Variants in PDK2 observed in about 807,000 individuals in gnomAD.
PDK2 encodes pyruvate dehydrogenase kinase 2.
Under a neutral mutation model 50.4 loss-of-function variants are expected in PDK2, and 34 were observed. The ratio of observed to expected loss-of-function variants is 0.68; its 90% CI spans 0.51 to 0.90. The LOEUF (loss-of-function observed/expected upper bound fraction) is 0.90, where lower values mean the gene tolerates loss of function less well. PDK2 is among the 40% of genes least tolerant of loss of function. The pLI is 0.00. For synonymous variants in PDK2, 232 were observed against 216.0 expected, an observed-to-expected ratio of 1.07 and a Z score of -0.65; for missense variants, 377 against 544.5, an observed-to-expected ratio of 0.69 and a Z score of 3.06.
rs1353635453 is a variant in PDK2, at chr17:50,108,181, C to G, written c.711C>G (p.His237Gln). Residue 237 changes from histidine to glutamine, a missense_variant, in exon 7 of 11, where the codon CAC becomes CAG. Physicochemically the swap from His to Gln is conservative, Grantham distance 24. Transcript: ENST00000503176. ...CAGCCAACTCCAAACAGCCGATTCA[C>G]ATGGTCTACGTCCCCTCCCACCTCT... is the stretch of plus-strand genomic sequence containing the variant. Reference protein sequence around the residue: ...INAANSKQPIHMVYVPSHLYH... With the variant: ...INAANSKQPIQMVYVPSHLYH... 6.3e-7 allele frequency: 1 copy of G among 1,597,198 alleles called. No individual in the cohort carries two copies. The highest frequency in any genetic ancestry group is 2.2e-5 in the East Asian group (1 of 44,622).
rs184632679 is a variant in PDK2, at chr17:50,103,682, T to C, written c.261-1689T>C. On this transcript the variant is annotated intron_variant, in intron 2 of 10. Coordinates refer to ENST00000503176, the MANE Select transcript of PDK2 (RefSeq NM_002611.5). ...CAGAGCTGGTTCTTTCACTCTCTTC[T>C]CTGTCAGGCAAGAGCGAGAAGAGCA... 1.2e-4 allele frequency among the ~76,000 whole-genome samples: 18 copies of C among 152,264 alleles called. No homozygotes were observed. In the East Asian group the frequency reaches 3.1e-3, roughly 26 times the overall value.
chr17:50,106,327 G>A (rs1910514953), intron 4 of PDK2: 5 of 862,830 alleles, frequency 5.8e-6, no homozygotes, highest in Non-Finnish European at 1.7e-6. Flanking sequence ...TTAAAAGAAT[G>A]TTTAATTTAG....
Position 50,108,369 on chromosome 17 carries a change from A to G in PDK2, c.813A>G (p.Pro271=). The G allele has an allele frequency of 6.2e-7, 1 of 1,614,028 alleles. No homozygotes were observed. The highest frequency in any genetic ancestry group is 2.2e-5 in the East Asian group (1 of 44,864). The change falls in exon 8 of 11, where the codon CCA becomes CCG. Residue 271 remains proline, a synonymous_variant. Coordinates refer to ENST00000503176, the MANE Select transcript of PDK2 (RefSeq NM_002611.5). The stretch of plus-strand genomic sequence containing the variant: ...GCCATGAGTCCAGCCTCATTCTCCC[A>G]CCCATCAAGGTCATGGTGGCCTTGG... ...VESHESSLIL[P]PIKVMVALGE... is the part of the protein sequence containing the mutation.
At chr17:50,096,061 T>C (rs1478154236) in intron 1 of PDK2, 27 of 947,502 alleles carry the variant, frequency 2.8e-5, no homozygotes, top group South Asian at 9.6e-5. Flanking sequence ...CCAGGGGCAG[T>C]TGGGGAAGGG....
chr17:50,110,866 C>A lies in PDK2; in HGVS notation c.*769C>A. 6.6e-6 allele frequency: 1 copy of A among 152,592 alleles called. No individual in the cohort carries two copies. The allele number at this position is 152,592 out of a possible 1,614,324, so 9.5% of individuals were successfully genotyped here. Reference sequence around the variant, plus strand: ...TCCTGCCTGAGCTCCAGCCCCCAGCCCCCACTGTGCCCAGACATGTGTGCT... The same window carrying A: ...TCCTGCCTGAGCTCCAGCCCCCAGCACCCACTGTGCCCAGACATGTGTGCT... On this transcript the variant is annotated 3_prime_UTR_variant, in exon 11 of 11. Transcript: ENST00000503176.
At chr17:50,099,508 C>T (rs149802635) in intron 2 of PDK2, among the ~76,000 whole-genome samples, 5 of 152,370 alleles carry the variant, frequency 3.3e-5, no homozygotes, top group Admixed American at 6.5e-5. Context: ...AAGGATTCAG[C>T]TTAGGCCGGG....
At chr17:50,098,460 T>C (rs1203378951) in intron 2 of PDK2, 2 of 152,248 alleles carry the variant, frequency 1.3e-5, no homozygotes, top group Admixed American at 6.5e-5. Flanking sequence ...AGCATAGTGC[T>C]AGGAGCAGGG....
intron 2 of PDK2, among the ~76,000 whole-genome samples, chr17:50,100,049 A>G (rs966062151): frequency 6.6e-6 from 1 of 152,190 alleles, no homozygotes; most frequent in African/African-American, 2.4e-5. Context: ...GGCAGGTTCT[A>G]GGTGCCTGAG....
At chr17:50,100,396 C>T (rs1910164564) in intron 2 of PDK2, among the ~76,000 whole-genome samples, 1 of 152,242 alleles carries the variant, frequency 6.6e-6, no homozygotes, top group Non-Finnish European at 1.5e-5. Context: ...TTTGAAGCTT[C>T]ATCCTGGGCA....
chr17:50,106,057 A>G lies in PDK2; in HGVS notation c.505A>G (p.Ile169Val). ...CAGCCGCATCTCCATCCGCATGCTC[A>G]TCAACCAGCACAGTGGGTGCCGGCC... is the stretch of plus-strand genomic sequence containing the variant. ...YLSRISIRML[I>V]NQHTLIFDGS... is the part of the protein sequence containing the mutation. Residue 169 changes from isoleucine to valine, a missense_variant, in exon 4 of 11, where the codon ATC becomes GTC. By Grantham distance (29) the Ile-to-Val change is conservative. Transcript: ENST00000503176. The G allele has an allele frequency of 6.2e-7, 1 of 1,601,880 alleles. No individual in the cohort carries two copies.
In PDK2 at chr17:50,109,415, C is replaced by G; in HGVS notation, c.1083+15C>G. ...TCTATCTCAAGGTGAGGGCCCTTCCCGCAGAGCCCAGCTGGAGAAGAGCTT... is the reference window on the plus strand; with the variant it reads ...TCTATCTCAAGGTGAGGGCCCTTCCGGCAGAGCCCAGCTGGAGAAGAGCTT... On this transcript the variant is annotated intron_variant, in intron 10 of 10. Coordinates refer to ENST00000503176, the MANE Select transcript of PDK2 (RefSeq NM_002611.5). The surrounding 1 kb of genome is among the most constrained non-coding windows in gnomAD (Gnocchi z 5.0). 1 of 1,547,004 alleles carries G rather than the reference C, an allele frequency of 6.5e-7. No homozygotes were observed. Among genetic ancestry groups the G allele is most frequent in the South Asian group, 1.1e-5 (1 of 88,526 alleles).
rs546689161 is a variant in PDK2 at position 50,101,568 on chromosome 17, A to G, written c.261-3803A>G. On this transcript the variant is annotated intron_variant, in intron 2 of 10. Coordinates refer to ENST00000503176, the MANE Select transcript of PDK2 (RefSeq NM_002611.5). This position sits in a 1 kb window ranked among gnomAD's most constrained non-coding sequence, Gnocchi z 4.2. ...CCAGCAGCTGTGGATACGAGTGCAC[A>G]GGGCACACCCTCGCACACACCCACA... 2.0e-3 allele frequency among the ~76,000 whole-genome samples: 293 copies of G among 150,190 alleles called. 2 individuals carry two copies. Among genetic ancestry groups the G allele is most frequent in the African/African-American group, 7.1e-3 (282 of 39,738 alleles).
At chr17:50,095,195 G>A, upstream of PDK2, 1 of 471,938 alleles carries the variant, frequency 2.1e-6, no homozygotes, top group Non-Finnish European at 3.8e-6. Context: ...GCAAAGCGTG[G>A]GTTAAGGGGG....
In PDK2 at chr17:50,109,867, C is replaced by A; in HGVS notation, c.1084-90C>A. On this transcript the variant is annotated intron_variant, in intron 10 of 10. Transcript: ENST00000503176. This position sits in a 1 kb window ranked among gnomAD's most constrained non-coding sequence, Gnocchi z 5.0. ...CTTTCCAGGCCCCCGTGTCTGGCAG[C>A]TGGGCTGCCGCTGAGCTGGGGTGGG... 1 of 1,361,822 alleles carries A rather than the reference C, an allele frequency of 7.3e-7. No individual in the cohort carries two copies. Among genetic ancestry groups the A allele is most frequent in the Non-Finnish European group, 9.7e-7 (1 of 1,032,412 alleles). 84.4% of individuals were successfully genotyped at this position (1,361,822 alleles called of 1,614,324 possible).
intron 2 of PDK2, among the ~76,000 whole-genome samples, chr17:50,105,118 T>A (rs1347679177): frequency 2.0e-5 from 3 of 152,228 alleles, no homozygotes; most frequent in Non-Finnish European, 4.4e-5. Flanking sequence ...GAGAGGACTA[T>A]TCTAGGATTC....
Position 50,095,557 on chromosome 17 carries a change from C to A in PDK2, c.118+4C>A. 6.3e-7 allele frequency: 1 copy of A among 1,593,696 alleles called. No individual in the cohort carries two copies. Among genetic ancestry groups the A allele is most frequent in the Non-Finnish European group, 8.6e-7 (1 of 1,168,294 alleles). ...ATGAAGCAGTTTCTGGACTTCGGTA[C>A]GGAGTGGGCGGGAGGCGGCTGGCAG... On this transcript the variant is annotated splice_donor_region_variant and intron_variant, in intron 1 of 10. Transcript: ENST00000503176.
chr17:50,096,835 C>T (rs1909975690), intron 1 of PDK2, among the ~76,000 whole-genome samples: 1 of 152,184 alleles, frequency 6.6e-6, no homozygotes. Flanking sequence ...ATATTCGGTC[C>T]CCCACCCTTT....
In PDK2 at chr17:50,095,366, T is replaced by C. The variant is rs1441228189; in HGVS notation, c.-70T>C. Reference sequence around the variant, plus strand: ...GTAGGGAGGAGGCGGCCGAACCGCGTCGCTGGGCCGAAAGGTGCGCGAGCG... The same window carrying C: ...GTAGGGAGGAGGCGGCCGAACCGCGCCGCTGGGCCGAAAGGTGCGCGAGCG... On this transcript the variant is annotated 5_prime_UTR_variant, in exon 1 of 11. Transcript: ENST00000503176. The C allele has an allele frequency of 1.0e-5, 12 of 1,173,518 alleles. No individual in the cohort carries two copies. The highest frequency in any genetic ancestry group is 1.5e-5 in the Non-Finnish European group (12 of 816,862). The allele number at this position is 1,173,518 out of a possible 1,614,324, so 72.7% of individuals were successfully genotyped here. A position where few individuals can be genotyped will look rare whatever the true frequency, so the allele number is the denominator to read the frequency against.
At chr17:50,098,147 CAAGTT>C (rs992810644) in intron 2 of PDK2, among the ~76,000 whole-genome samples, 6 of 152,182 alleles carry the variant, frequency 3.9e-5, no homozygotes, top group East Asian at 1.9e-4. Flanking sequence ...CTCAAGAACT[CAAGTT>C]AAGTAACTGG....
Sources: allele counts gnomAD v4.1 joint callset (sites outside exome capture counted in the v4.1 genomes callset), GRCh38; gene constraint gnomAD v4.1.1; non-coding constraint Gnocchi (gnomAD v3.1); transcripts MANE v1.5; gene names NCBI Gene and HGNC (gene_info 2026-07-23, HGNC 2026-07-21).